XKR6: variants seen among roughly 807,000 people sequenced by gnomAD.
The protein encoded by XKR6 is XK-related protein 6.
In XKR6, 22 loss-of-function variants were observed where a neutral mutation model predicts 56.7. The ratio of observed to expected loss-of-function variants is 0.39; its 90% CI spans 0.28 to 0.55. XKR6 has a LOEUF of 0.55. Among genes scored for constraint, XKR6 ranks in the 20% least tolerant of loss-of-function variants. The pLI, the probability that XKR6 is intolerant of heterozygous loss-of-function variation, is 0.66. For synonymous variants in XKR6, 524 were observed against 387.8 expected, an observed-to-expected ratio of 1.35 and a Z score of -4.13; for missense variants, 852 against 889.0, an observed-to-expected ratio of 0.96 and a Z score of 0.53.
chr8:11,110,895 G>A (rs1174230513), intron 1 of XKR6, among the ~76,000 whole-genome samples: 2 of 151,446 alleles, frequency 1.3e-5, no homozygotes, highest in African/African-American at 2.4e-5. Flanking sequence ...GGAGTGCAGT[G>A]GTGCGATCTC....
intron 1 of XKR6, among the ~76,000 whole-genome samples, chr8:11,038,497 TTGTGTGTGTG>T (rs34388531): frequency 0.16 from 20,200 of 130,026 alleles, 1,712 homozygotes; most frequent in African/African-American, 0.25. Context: ...TGTAGTCATT[TTGTGTGTGTG>T]TGTGTGTGTG....
intron 1 of XKR6, among the ~76,000 whole-genome samples, chr8:11,036,974 C>T (rs1479753412): frequency 6.6e-6 from 1 of 152,180 alleles, no homozygotes; most frequent in African/African-American, 2.4e-5. Context: ...CTTGAGAAGC[C>T]CCCTAGATCG....
At chr8:11,138,857 T>C (rs919798455) in intron 1 of XKR6, among the ~76,000 whole-genome samples, 2 of 151,614 alleles carry the variant, frequency 1.3e-5, no homozygotes, top group Non-Finnish European at 2.9e-5. Flanking sequence ...ATAAAACAAA[T>C]AACTTATGTT....
chr8:11,116,421 A>T (rs1799176836), intron 1 of XKR6, among the ~76,000 whole-genome samples: 1 of 152,112 alleles, frequency 6.6e-6, no homozygotes, highest in Admixed American at 6.5e-5. Context: ...TGCAGGCTGG[A>T]ATGCAGTGAC....
chr8:11,168,288 AAT>A (rs576047478), intron 1 of XKR6, among the ~76,000 whole-genome samples: 2 of 152,352 alleles, frequency 1.3e-5, no homozygotes, highest in South Asian at 4.1e-4. Context: ...GCTTAATATC[AAT>A]ATGTTGTTGA....
intron 1 of XKR6, among the ~76,000 whole-genome samples, chr8:11,014,360 A>C (rs1798569321): frequency 6.6e-6 from 1 of 152,214 alleles, no homozygotes; most frequent in African/African-American, 2.4e-5. Context: ...CCACAAAAGG[A>C]AAGTTTCTAA....
chr8:10,932,465 T>G (rs1281566964), intron 1 of XKR6, among the ~76,000 whole-genome samples: 1 of 150,290 alleles, frequency 6.7e-6, no homozygotes, highest in East Asian at 1.9e-4. Flanking sequence ...AGGGTACATG[T>G]GCACATCGTG....
intron 1 of XKR6, among the ~76,000 whole-genome samples, chr8:10,941,477 G>A (rs1265041389): frequency 1.3e-5 from 2 of 152,214 alleles, no homozygotes; most frequent in Admixed American, 6.5e-5. Context: ...GCACTGGGCT[G>A]TTGCCAAGCA....
At chr8:11,159,049 T>G (rs910610652) in intron 1 of XKR6, among the ~76,000 whole-genome samples, 2 of 152,210 alleles carry the variant, frequency 1.3e-5, no homozygotes, top group African/African-American at 2.4e-5. Context: ...TGTATGACAT[T>G]AGGCAAATTA....
At chr8:11,168,999 G>A (rs1433485810) in intron 1 of XKR6, among the ~76,000 whole-genome samples, 3 of 152,066 alleles carry the variant, frequency 2.0e-5, no homozygotes, top group Non-Finnish European at 2.9e-5. Flanking sequence ...ATGAATCATC[G>A]CTTCAGCCTC....
At chr8:11,127,353 C>T (rs763824615) in intron 1 of XKR6, among the ~76,000 whole-genome samples, 6 of 152,132 alleles carry the variant, frequency 3.9e-5, no homozygotes, top group Non-Finnish European at 8.8e-5. Flanking sequence ...AATAAGTTAC[C>T]CATCTTTTCT....
intron 1 of XKR6, among the ~76,000 whole-genome samples, chr8:11,159,563 A>G (rs1801692573): frequency 1.3e-5 from 2 of 152,232 alleles, no homozygotes; most frequent in African/African-American, 4.8e-5. Context: ...CAGCAGCATC[A>G]GCTTCAATCA....
At chr8:11,097,297 C>A (rs1798293857) in intron 1 of XKR6, among the ~76,000 whole-genome samples, 1 of 152,168 alleles carries the variant, frequency 6.6e-6, no homozygotes, top group Non-Finnish European at 1.5e-5. Context: ...CCACTCACCA[C>A]TTCTACATTC....
intron 1 of XKR6, among the ~76,000 whole-genome samples, chr8:11,116,691 C>A (rs1017116321): frequency 3.9e-5 from 6 of 152,176 alleles, no homozygotes; most frequent in African/African-American, 1.4e-4. Flanking sequence ...CATTCGTTGG[C>A]AAGAACTAAA....
At chr8:10,904,694 G>A (rs1190386981) in intron 2 of XKR6, among the ~76,000 whole-genome samples, 4 of 152,122 alleles carry the variant, frequency 2.6e-5, no homozygotes, top group African/African-American at 4.8e-5. Context: ...TGGGAGCCCC[G>A]ACACATCTCC....
At chr8:11,118,499 C>G (rs1452831867) in intron 1 of XKR6, among the ~76,000 whole-genome samples, 1 of 152,182 alleles carries the variant, frequency 6.6e-6, no homozygotes, top group South Asian at 2.1e-4. Context: ...TGTTATTGGT[C>G]TATTCAGAGA....
chr8:11,179,945 C>T (rs1021994625), intron 1 of XKR6, among the ~76,000 whole-genome samples: 2 of 152,026 alleles, frequency 1.3e-5, no homozygotes, highest in African/African-American at 4.8e-5. Flanking sequence ...CCAGCCTGGG[C>T]AACATGGCGA....
chr8:11,191,096 T>C (rs1175200207), intron 1 of XKR6, among the ~76,000 whole-genome samples: 2 of 152,182 alleles, frequency 1.3e-5, no homozygotes, highest in African/African-American at 4.8e-5. Context: ...TTATTGATCT[T>C]AGTTTCTCTA....
intron 1 of XKR6, among the ~76,000 whole-genome samples, chr8:10,971,209 C>T (rs1292879010): frequency 6.6e-6 from 1 of 151,856 alleles, no homozygotes; most frequent in African/African-American, 2.4e-5. Context: ...ATCACGAGGT[C>T]AGGAGATCAA....
Sources: allele counts gnomAD v4.1 joint callset (sites outside exome capture counted in the v4.1 genomes callset), GRCh38; gene constraint gnomAD v4.1.1; transcripts MANE v1.5; gene names NCBI Gene and HGNC (gene_info 2026-07-23, HGNC 2026-07-21).